Variants in TBC1D5 observed in about 807,000 individuals in gnomAD.
TBC1D5 encodes TBC1 domain family, member 5.
Under a neutral mutation model 100.3 loss-of-function variants are expected in TBC1D5, and 75 were observed. The ratio of observed to expected loss-of-function variants is 0.75; its 90% CI spans 0.62 to 0.91. The LOEUF is 0.91. Among genes scored for constraint, TBC1D5 ranks in the 40% least tolerant of loss-of-function variants. TBC1D5 has a pLI of 0.00. For missense variants in TBC1D5, 910 were observed against 942.4 expected (o/e 0.97, Z 0.45); for synonymous variants, 323 against 325.6 (o/e 0.99, Z 0.09).
At chr3:17,275,707 G>T (rs1475618571) in intron 15 of TBC1D5, among the ~76,000 whole-genome samples, 1 of 152,200 alleles carries the variant, frequency 6.6e-6, no homozygotes, top group Non-Finnish European at 1.5e-5. Flanking sequence ...ATCAAAAGGG[G>T]TCTGCCAAGG....
At chr3:17,437,423 G>GAATC (rs1377436162) in intron 3 of TBC1D5, among the ~76,000 whole-genome samples, 2 of 152,030 alleles carry the variant, frequency 1.3e-5, no homozygotes, top group Non-Finnish European at 2.9e-5. Flanking sequence ...GAGTAGGCCA[G>GAATC]AATCAATCAA....
intron 13 of TBC1D5, among the ~76,000 whole-genome samples, chr3:17,351,166 T>G (rs2151668207): frequency 6.6e-6 from 1 of 152,294 alleles, no homozygotes; most frequent in South Asian, 2.1e-4. Flanking sequence ...CAAATACTGA[T>G]TTCAACCTTG....
intron 2 of TBC1D5, among the ~76,000 whole-genome samples, chr3:17,566,270 C>T (rs1352059952): frequency 6.6e-6 from 1 of 151,906 alleles, no homozygotes; most frequent in African/African-American, 2.4e-5. Flanking sequence ...TATCACCCCA[C>T]CACAAAGAAT....
intron 19 of TBC1D5, chr3:17,184,877 G>C (rs1368436499): frequency 3.8e-6 from 1 of 260,656 alleles, no homozygotes; most frequent in Admixed American, 4.9e-5. Flanking sequence ...ATTTCCACTC[G>C]ATTTACTAAT....
At chr3:17,392,123 G>A (rs2152329983) in intron 8 of TBC1D5, among the ~76,000 whole-genome samples, 1 of 152,208 alleles carries the variant, frequency 6.6e-6, no homozygotes, top group Non-Finnish European at 1.5e-5. Flanking sequence ...AGGTGTGACT[G>A]TAAAAGCCTT....
chr3:17,336,861 A>G (rs2087914478), intron 13 of TBC1D5, among the ~76,000 whole-genome samples: 1 of 152,180 alleles, frequency 6.6e-6, no homozygotes. Context: ...GGTATGTTTG[A>G]GTTTCATGAC....
At chr3:17,331,706 T>C (rs1206088298) in intron 13 of TBC1D5, among the ~76,000 whole-genome samples, 2 of 152,108 alleles carry the variant, frequency 1.3e-5, no homozygotes, top group African/African-American at 2.4e-5. Flanking sequence ...AAATCATAAA[T>C]GCTATTAAGA....
Position 17,308,151 on chromosome 3 carries a change from C to G in TBC1D5, c.996-17G>C. 1 of 1,562,298 alleles carries G rather than the reference C, an allele frequency of 6.4e-7. No individual in the cohort carries two copies. Among genetic ancestry groups the G allele is most frequent in the South Asian group, 1.2e-5 (1 of 82,268 alleles). On this transcript the variant is annotated splice_polypyrimidine_tract_variant and intron_variant, in intron 13 of 21. Coordinates refer to ENST00000253692, the Ensembl canonical transcript of TBC1D5. The stretch of plus-strand genomic sequence containing the variant: ...ACCCACCTTCTGGAAAGAAACAAAA[C>G]AAAAATTCAGAAGACAGTACTTTTG...
intron 13 of TBC1D5, among the ~76,000 whole-genome samples, chr3:17,351,244 G>A (rs2090540029): frequency 6.6e-6 from 1 of 152,084 alleles, no homozygotes; most frequent in Non-Finnish European, 1.5e-5. Context: ...ATACCCAAAG[G>A]ATTATAAATC....
At chr3:17,351,235 T>C (rs1032928176) in intron 13 of TBC1D5, among the ~76,000 whole-genome samples, 1 of 152,178 alleles carries the variant, frequency 6.6e-6, no homozygotes, top group African/African-American at 2.4e-5. Flanking sequence ...ACTGGGTATA[T>C]ACCCAAAGGA....
intron 2 of TBC1D5, among the ~76,000 whole-genome samples, chr3:17,601,867 TTGCCCAGGC>T (rs1482114945): frequency 2.0e-5 from 3 of 152,200 alleles, no homozygotes; most frequent in Non-Finnish European, 4.4e-5. Context: ...TCTCGCTCTG[TTGCCCAGGC>T]TGGAGTGCAG....
At chr3:17,727,566 T>C (rs898685543) in intron 1 of TBC1D5, among the ~76,000 whole-genome samples, 3 of 152,194 alleles carry the variant, frequency 2.0e-5, no homozygotes, top group African/African-American at 7.2e-5. Context: ...AAATTGTTAA[T>C]CGTCCACAAA....
chr3:17,427,135 A>G (rs1034557384), intron 4 of TBC1D5, among the ~76,000 whole-genome samples: 1 of 151,996 alleles, frequency 6.6e-6, no homozygotes, highest in Non-Finnish European at 1.5e-5. Context: ...GCATTTGGAC[A>G]ATTCCAATAT....
At chr3:17,176,304 T>C (rs1290784994) in intron 19 of TBC1D5, among the ~76,000 whole-genome samples, 1 of 152,200 alleles carries the variant, frequency 6.6e-6, no homozygotes, top group Non-Finnish European at 1.5e-5. Flanking sequence ...CAGTTGCTAT[T>C]GTATGTGACA....
At chr3:17,516,355 A>C (rs2095987508) in intron 2 of TBC1D5, among the ~76,000 whole-genome samples, 1 of 152,186 alleles carries the variant, frequency 6.6e-6, no homozygotes, top group South Asian at 2.1e-4. Context: ...CTGTGGCCAA[A>C]AGATTTCCTA....
At chr3:17,734,391 A>G (rs1308172421) in intron 1 of TBC1D5, among the ~76,000 whole-genome samples, 1 of 152,266 alleles carries the variant, frequency 6.6e-6, no homozygotes, top group Admixed American at 6.5e-5. Context: ...TTCATTAAAC[A>G]GTATTGAGGA....
At chr3:17,231,436 A>C (rs2075408035) in intron 17 of TBC1D5, among the ~76,000 whole-genome samples, 1 of 152,108 alleles carries the variant, frequency 6.6e-6, no homozygotes. Context: ...TTTTTCTTAA[A>C]AATAAAAGCC....
intron 3 of TBC1D5, among the ~76,000 whole-genome samples, chr3:17,484,809 T>C (rs73153042): frequency 0.08 from 12,229 of 152,018 alleles, 1,022 homozygotes; most frequent in African/African-American, 0.22. Flanking sequence ...TATGCTACCA[T>C]AGACTTCCTT....
At chr3:17,392,093 A>T (rs1339445608) in intron 8 of TBC1D5, among the ~76,000 whole-genome samples, 1 of 152,156 alleles carries the variant, frequency 6.6e-6, no homozygotes, top group African/African-American at 2.4e-5. Context: ...AAGACAGGCA[A>T]GAACTAAAGA....
Sources: allele counts gnomAD v4.1 joint callset (sites outside exome capture counted in the v4.1 genomes callset), GRCh38; gene constraint gnomAD v4.1.1; transcripts MANE v1.5; gene names NCBI Gene and HGNC (gene_info 2026-07-23, HGNC 2026-07-21).